The following PLPP3 variants were observed in gnomAD, a reference collection of about 807,000 sequenced individuals.
PLPP3 encodes PAP2 beta.
A neutral mutation model predicts 29.6 loss-of-function variants in PLPP3; 6 were observed. That is an observed-to-expected ratio of 0.20 (90% CI 0.11 to 0.40). The LOEUF (loss-of-function observed/expected upper bound fraction) is 0.40, where lower values mean the gene tolerates loss of function less well. Ranked by LOEUF, PLPP3 falls within the 10% of genes least tolerant of loss-of-function variation. The pLI is 1.00. For missense variants in PLPP3, 308 were observed against 407.7 expected (o/e 0.76, Z 2.11); for synonymous variants, 152 against 159.7 (o/e 0.95, Z 0.36).
intron 1 of PLPP3, among the ~76,000 whole-genome samples, chr1:56,556,029 G>T (rs903167102): frequency 1.3e-5 from 2 of 152,174 alleles, no homozygotes; most frequent in African/African-American, 4.8e-5. Context: ...TGATGAAAAT[G>T]TATCATTTTA....
chr1:56,565,233 T>C (rs546933862), intron 1 of PLPP3, among the ~76,000 whole-genome samples: 2 of 152,288 alleles, frequency 1.3e-5, no homozygotes, highest in South Asian at 4.1e-4. Context: ...AGAAGTTCCA[T>C]GTACTGCATT....
intron 1 of PLPP3, among the ~76,000 whole-genome samples, chr1:56,556,994 GAAAGAA>G (rs1255633294): frequency 5.3e-4 from 4 of 7,602 alleles, no homozygotes; most frequent in South Asian, 2.1e-3. Flanking sequence ...AAGAAAGAAA[GAAAGAA>G]AGAAAGAAAG....
At chr1:56,560,979 A>G (rs1386393390) in intron 1 of PLPP3, among the ~76,000 whole-genome samples, 2 of 149,540 alleles carry the variant, frequency 1.3e-5, no homozygotes, top group African/African-American at 4.9e-5. Flanking sequence ...CTGGGATTAC[A>G]GGCGCCTGCC....
At chr1:56,533,468 A>T (rs1342866995) in intron 2 of PLPP3, among the ~76,000 whole-genome samples, 1 of 152,078 alleles carries the variant, frequency 6.6e-6, no homozygotes, top group Non-Finnish European at 1.5e-5. Context: ...TTGTGGAAGG[A>T]GGGTAGGCTG....
intron 5 of PLPP3, among the ~76,000 whole-genome samples, chr1:56,504,576 G>A (rs1645689773): frequency 6.6e-6 from 1 of 152,046 alleles, no homozygotes; most frequent in African/African-American, 2.4e-5. Context: ...TATTCATTGA[G>A]GTCACCTCTC....
intron 1 of PLPP3, among the ~76,000 whole-genome samples, chr1:56,555,309 C>T (rs1646067322): frequency 6.6e-6 from 1 of 151,568 alleles, no homozygotes; most frequent in African/African-American, 2.4e-5. Flanking sequence ...CCGTAAGGAC[C>T]ATGGGCTGGC....
At chr1:56,572,191 A>T (rs759851297) in intron 1 of PLPP3, among the ~76,000 whole-genome samples, 7 of 151,758 alleles carry the variant, frequency 4.6e-5, no homozygotes, top group Non-Finnish European at 7.4e-5. Context: ...CTGGGATTAC[A>T]GGCACACACC....
intron 5 of PLPP3, among the ~76,000 whole-genome samples, chr1:56,502,684 C>G (rs919394942): frequency 6.6e-6 from 1 of 152,162 alleles, no homozygotes; most frequent in African/African-American, 2.4e-5. Context: ...TCTTTGGTAC[C>G]CATATTGAAC....
At chr1:56,497,301 G>A (rs1009973539) in intron 5 of PLPP3, among the ~76,000 whole-genome samples, 1 of 152,192 alleles carries the variant, frequency 6.6e-6, no homozygotes, top group Non-Finnish European at 1.5e-5. Flanking sequence ...TTTCCTCCTG[G>A]GGATGTGACC....
chr1:56,579,170 G>A lies in PLPP3; in HGVS notation c.-154C>T. On this transcript the variant is annotated 5_prime_UTR_variant, in exon 1 of 6. Coordinates refer to ENST00000371250, the MANE Select transcript of PLPP3 (RefSeq NM_003713.5). ...GCGCGGCGGCTAGAGTGCAGCCGGG[G>A]CTGCCTGCCTCCAACTGCAGAAGGT... The A allele has an allele frequency of 1.1e-6, 1 of 952,306 alleles. No homozygotes were observed. Among genetic ancestry groups the A allele is most frequent in the Non-Finnish European group, 1.5e-6 (1 of 677,006 alleles). The allele number at this position is 952,306 out of a possible 1,614,324, so 59.0% of individuals were successfully genotyped here.
chr1:56,517,645 T>G (rs951813894), intron 4 of PLPP3, among the ~76,000 whole-genome samples: 8 of 152,372 alleles, frequency 5.3e-5, no homozygotes, highest in African/African-American at 1.9e-4. Context: ...TTTCTGAGTC[T>G]GTGCTCTAAG....
chr1:56,551,294 C>CGCTTTGGTTTGCTTTGGTTT (rs1646036835), intron 1 of PLPP3, among the ~76,000 whole-genome samples: 1 of 138,882 alleles, frequency 7.2e-6, no homozygotes, highest in African/African-American at 2.7e-5. Flanking sequence ...TGGTTTGGTT[C>CGCTTTGGTTTGCTTTGGTTT]GGTTCGGTTC....
chr1:56,561,979 G>C (rs1461090598), intron 1 of PLPP3, among the ~76,000 whole-genome samples: 1 of 127,178 alleles, frequency 7.9e-6, no homozygotes, highest in Non-Finnish European at 1.6e-5. Flanking sequence ...AGGTTGCAGT[G>C]AGCCAAGATC....
At chr1:56,532,743 T>C (rs373481245) in intron 2 of PLPP3, among the ~76,000 whole-genome samples, 49 of 152,300 alleles carry the variant, frequency 3.2e-4, no homozygotes, top group African/African-American at 1.2e-3. Context: ...GCCTCTTCTG[T>C]GATTTTTCAC....
chr1:56,546,590 T>A (rs2100277376), intron 1 of PLPP3, among the ~76,000 whole-genome samples: 1 of 152,332 alleles, frequency 6.6e-6, no homozygotes, highest in South Asian at 2.1e-4. Flanking sequence ...AAAGATCATG[T>A]CAAGTCACCA....
chr1:56,566,319 T>C (rs1646161911), intron 1 of PLPP3, among the ~76,000 whole-genome samples: 1 of 152,152 alleles, frequency 6.6e-6, no homozygotes, highest in South Asian at 2.1e-4. Flanking sequence ...TAGTTAAGAA[T>C]GACCTCACCA....
intron 2 of PLPP3, among the ~76,000 whole-genome samples, chr1:56,527,900 G>A (rs889529070): frequency 6.6e-6 from 1 of 152,104 alleles, no homozygotes; most frequent in Non-Finnish European, 1.5e-5. Flanking sequence ...CAGATTTACT[G>A]CTTTCGGACT....
At chr1:56,551,581 T>TA (rs1646040170) in intron 1 of PLPP3, among the ~76,000 whole-genome samples, 1 of 152,146 alleles carries the variant, frequency 6.6e-6, no homozygotes, top group Non-Finnish European at 1.5e-5. Flanking sequence ...AGAAGATGCC[T>TA]GGGAATGGGA....
chr1:56,541,936 G>A, intron 1 of PLPP3, among the ~76,000 whole-genome samples: 1 of 147,382 alleles, frequency 6.8e-6, no homozygotes, highest in East Asian at 2.0e-4. Context: ...GTAATAAAAG[G>A]TGCATTACAA....
Sources: gnomAD v4.1 joint callset for allele counts (sites outside exome capture counted in the v4.1 genomes callset) on GRCh38, gnomAD v4.1.1 for gene constraint, MANE v1.5 for transcripts, NCBI Gene and HGNC (gene_info 2026-07-23, HGNC 2026-07-21) for gene names.